Variants in PCDH15 observed in about 807,000 individuals in gnomAD.
The protein encoded by PCDH15 is protocadherin-15.
Under a neutral mutation model 178.5 loss-of-function variants are expected in PCDH15, and 129 were observed. That is an observed-to-expected ratio of 0.72 (90% CI 0.63 to 0.84). PCDH15 has a LOEUF of 0.84. Ranked by LOEUF, PCDH15 falls within the 40% of genes least tolerant of loss-of-function variation. The pLI, the probability that PCDH15 is intolerant of heterozygous loss-of-function variation, is 0.00. For synonymous variants in PCDH15, 800 were observed against 732.0 expected (o/e 1.09, Z -1.50); for missense variants, 2,230 against 2,099.9 (o/e 1.06, Z -1.21).
chr10:55,262,297 G>A (rs1003498002), intron 1 of PCDH15, among the ~76,000 whole-genome samples: 1 of 151,908 alleles, frequency 6.6e-6, no homozygotes, highest in Non-Finnish European at 1.5e-5. Flanking sequence ...AGAAGGGCAG[G>A]TCCTTGGTGA....
At chr10:54,526,534 T>C (rs1474966292) in intron 3 of PCDH15, among the ~76,000 whole-genome samples, 1 of 152,198 alleles carries the variant, frequency 6.6e-6, no homozygotes, top group Non-Finnish European at 1.5e-5. Flanking sequence ...TTTTACTTTA[T>C]AGTATTTTAA....
intron 20 of PCDH15, among the ~76,000 whole-genome samples, chr10:54,010,011 A>G (rs1364632931): frequency 6.6e-6 from 1 of 152,136 alleles, no homozygotes; most frequent in African/African-American, 2.4e-5. Flanking sequence ...GCAGTGAAAC[A>G]TTGCAGGCCT....
At chr10:54,694,316 G>A (rs2135843233) in intron 1 of PCDH15, among the ~76,000 whole-genome samples, 1 of 150,718 alleles carries the variant, frequency 6.6e-6, no homozygotes, top group South Asian at 2.1e-4. Flanking sequence ...TGCAAATTGT[G>A]CAATTCAACT....
At chr10:53,945,273 A>AT (rs1375769936) in intron 23 of PCDH15, among the ~76,000 whole-genome samples, 1 of 152,162 alleles carries the variant, frequency 6.6e-6, no homozygotes, top group South Asian at 2.1e-4. Flanking sequence ...TGGTCTCAGA[A>AT]TTTTTTGTAT....
At chr10:55,267,166 A>G (rs1842320740) in intron 1 of PCDH15, among the ~76,000 whole-genome samples, 1 of 152,184 alleles carries the variant, frequency 6.6e-6, no homozygotes, top group Non-Finnish European at 1.5e-5. Flanking sequence ...ACAAAAAAAG[A>G]AAGAAATGTA....
chr10:53,895,039 T>C (rs2081857367), intron 26 of PCDH15, among the ~76,000 whole-genome samples: 1 of 152,172 alleles, frequency 6.6e-6, no homozygotes, highest in South Asian at 2.1e-4. Flanking sequence ...CACTGTTCTC[T>C]GTAAATTAAA....
chr10:54,603,294 G>T (rs2092617039), intron 2 of PCDH15, among the ~76,000 whole-genome samples: 1 of 151,738 alleles, frequency 6.6e-6, no homozygotes. Flanking sequence ...TCTAGGAAAG[G>T]ATGTGTCAGT....
intron 2 of PCDH15, among the ~76,000 whole-genome samples, chr10:55,456,358 G>A (rs549870320): frequency 1.3e-5 from 2 of 152,172 alleles, no homozygotes; most frequent in East Asian, 1.9e-4. Flanking sequence ...TGTACATGTG[G>A]TTTGAAATCT....
rs906708262 is a variant in PCDH15 at position 55,116,421 on chromosome 10, A to C, written c.-80+50155T>G. ...TAGTTCAATATAATAGGTAAGCAAA[A>C]TTTTTCTCTTCTCCTCTCTCAATTT... On this transcript the variant is annotated intron_variant, in intron 2 of 5. Transcript: ENST00000458638. Among the ~76,000 whole-genome samples, 36 of 152,062 alleles carry C rather than the reference A, an allele frequency of 2.4e-4. 1 individual carries two copies.
chr10:55,007,870 T>C (rs573882013), intron 2 of PCDH15, among the ~76,000 whole-genome samples: 1 of 152,226 alleles, frequency 6.6e-6, no homozygotes, highest in South Asian at 2.1e-4. Context: ...TAAATATGAC[T>C]AAAGAGATAA....
At chr10:54,091,671 ATTAT>A (rs2094603286) in intron 15 of PCDH15, among the ~76,000 whole-genome samples, 2 of 152,322 alleles carry the variant, frequency 1.3e-5, no homozygotes, top group African/African-American at 4.8e-5. Context: ...TCTTTGCAAG[ATTAT>A]TTAATCTGTC....
At chr10:54,074,565 T>C (rs2094305399) in intron 17 of PCDH15, among the ~76,000 whole-genome samples, 2 of 152,210 alleles carry the variant, frequency 1.3e-5, no homozygotes, top group Non-Finnish European at 2.9e-5. Flanking sequence ...TATATGTATA[T>C]ACCACATTTT....
chr10:54,518,009 A>G (rs1160812040), intron 3 of PCDH15, among the ~76,000 whole-genome samples: 1 of 152,146 alleles, frequency 6.6e-6, no homozygotes, highest in African/African-American at 2.4e-5. Context: ...TTCTTTCAAA[A>G]CAACGAGAAC....
intron 18 of PCDH15, among the ~76,000 whole-genome samples, chr10:54,055,902 G>A (rs1234690727): frequency 2.6e-5 from 4 of 152,182 alleles, no homozygotes; most frequent in Admixed American, 6.5e-5. Flanking sequence ...AACATTAGTT[G>A]AGAAAACAAA....
At chr10:54,315,184 C>T (rs1170363798) in intron 8 of PCDH15, among the ~76,000 whole-genome samples, 1 of 152,198 alleles carries the variant, frequency 6.6e-6, no homozygotes, top group Non-Finnish European at 1.5e-5. Flanking sequence ...TTCTCTGCAA[C>T]CTTGCCAGCA....
chr10:55,174,367 T>C (rs947504464), intron 1 of PCDH15, among the ~76,000 whole-genome samples: 3 of 152,074 alleles, frequency 2.0e-5, no homozygotes, highest in African/African-American at 2.4e-5. Context: ...AGTGAGAACT[T>C]CTATCCTCAT....
intron 23 of PCDH15, among the ~76,000 whole-genome samples, chr10:53,946,568 T>G (rs572507150): frequency 6.6e-6 from 1 of 152,330 alleles, no homozygotes; most frequent in East Asian, 1.9e-4. Flanking sequence ...TGATATCTCA[T>G]TTCACTTTAT....
intron 13 of PCDH15, among the ~76,000 whole-genome samples, chr10:54,177,594 A>T (rs528911306): frequency 6.6e-6 from 1 of 152,014 alleles, no homozygotes; most frequent in African/African-American, 2.4e-5. Context: ...CTCAAAAAAA[A>T]TCTTTAACAA....
rs1350214805 is a variant in PCDH15, at chr10:54,463,379, A to G, written c.157+64433T>C. Among the ~76,000 whole-genome samples the G allele has an allele frequency of 5.3e-5, 8 of 152,188 alleles. No individual in the cohort carries two copies. In the East Asian group the frequency reaches 5.8e-4, roughly 11 times the overall value. ...AATAATAAGACAAAAAATAATGGCT[A>G]TTACTTATCAGTAAGCAATCTGAGA... On this transcript the variant is annotated intron_variant, in intron 3 of 37. Transcript: ENST00000644397.
Sources: gnomAD v4.1 joint callset for allele counts (sites outside exome capture counted in the v4.1 genomes callset) on GRCh38, gnomAD v4.1.1 for gene constraint, MANE v1.5 for transcripts, NCBI Gene and HGNC (gene_info 2026-07-23, HGNC 2026-07-21) for gene names.